SLC20A2: variants seen among roughly 807,000 people sequenced by gnomAD.
SLC20A2 encodes solute carrier family 20 member 2, also known as sodium-dependent phosphate transporter 2.
SLC20A2 carries 30 observed loss-of-function variants against 61.0 expected under a neutral mutation model. That is an observed-to-expected ratio of 0.49 (90% CI 0.37 to 0.67). The LOEUF is 0.67. Ranked by LOEUF, SLC20A2 falls within the 30% of genes least tolerant of loss-of-function variation. SLC20A2 has a pLI of 0.00. For synonymous variants in SLC20A2, 351 were observed against 353.3 expected, an observed-to-expected ratio of 0.99 and a Z score of 0.07; for missense variants, 626 against 866.4, an observed-to-expected ratio of 0.72 and a Z score of 3.48.
Position 42,439,433 on chromosome 8 carries a change from C to T in SLC20A2, c.934+17G>A. On this transcript the variant is annotated intron_variant, in intron 7 of 10. Coordinates refer to ENST00000520262, the MANE Select transcript of SLC20A2 (RefSeq NM_001257180.2). ...TCTGTGCTGCCACAGAACCCAAGCTCTCCAGGCACATCTTACCGTATGCAG... is the reference window on the plus strand; with the variant it reads ...TCTGTGCTGCCACAGAACCCAAGCTTTCCAGGCACATCTTACCGTATGCAG... 1 of 1,612,404 alleles carries T rather than the reference C, an allele frequency of 6.2e-7. No individual in the cohort carries two copies. The highest frequency in any genetic ancestry group is 8.5e-7 in the Non-Finnish European group (1 of 1,179,820).
chr8:42,446,282 G>A (rs1805207636), intron 5 of SLC20A2, among the ~76,000 whole-genome samples: 1 of 152,206 alleles, frequency 6.6e-6, no homozygotes, highest in Non-Finnish European at 1.5e-5. Flanking sequence ...CACATGGTTT[G>A]AGAACGTCAT....
chr8:42,477,085 C>T (rs1172932511), intron 1 of SLC20A2, among the ~76,000 whole-genome samples: 3 of 152,156 alleles, frequency 2.0e-5, no homozygotes, highest in Non-Finnish European at 1.5e-5. Context: ...GCATAAGGCC[C>T]CGTCGCAGTT....
intron 4 of SLC20A2, 99 bp from the exon 5 acceptor site, chr8:42,460,091 T>C: frequency 4.3e-6 from 3 of 689,852 alleles, no homozygotes; most frequent in South Asian, 3.3e-5. Flanking sequence ...CAAGAAACTC[T>C]TCCCAAACCC....
At chr8:42,540,792 T>A (rs1813060883) in intron 1 of SLC20A2, 1 of 152,264 alleles carries the variant, frequency 6.6e-6, no homozygotes, top group South Asian at 2.1e-4. Flanking sequence ...CACCAGCCAC[T>A]GACATCTGAT....
chr8:42,428,695 C>T, intron 10 of SLC20A2, 63 bp downstream of exon 10: 2 of 1,451,612 alleles, frequency 1.4e-6, no homozygotes, highest in South Asian at 1.2e-5. Context: ...CTTGCATGCG[C>T]TCCGGTGGCC....
At chr8:42,489,310 C>T (rs1809323695) in intron 1 of SLC20A2, among the ~76,000 whole-genome samples, 1 of 151,940 alleles carries the variant, frequency 6.6e-6, no homozygotes. Flanking sequence ...GCCAGTGTAC[C>T]TTCTTTCCAT....
intron 1 of SLC20A2, among the ~76,000 whole-genome samples, chr8:42,514,313 T>G (rs972316806): frequency 6.6e-6 from 1 of 152,142 alleles, no homozygotes; most frequent in Non-Finnish European, 1.5e-5. Flanking sequence ...AAACAATAGT[T>G]AACTGGGTAA....
chr8:42,471,227 T>C (rs11994295), intron 2 of SLC20A2: 43 of 456,228 alleles, frequency 9.4e-5, no homozygotes, highest in African/African-American at 7.8e-4. Flanking sequence ...AAAAGAATCC[T>C]GTCAGCTGCA....
chr8:42,478,232 G>A lies in SLC20A2; in HGVS notation c.-264-5578C>T, dbSNP rs1215955824. ...CTTTTCTTTTTTTTTTTTTTTTTGA[G>A]ATGTAGTCTCACTCTGTTGCCCAGG... is the stretch of plus-strand genomic sequence containing the variant. On this transcript the variant is annotated intron_variant, in intron 1 of 10. Coordinates refer to ENST00000520262, the MANE Select transcript of SLC20A2 (RefSeq NM_001257180.2). Among the ~76,000 whole-genome samples, 3 of 104,850 alleles carry A rather than the reference G, an allele frequency of 2.9e-5. No homozygotes were observed. The East Asian group carries it at 8.3e-4, about 29-fold the overall frequency. The allele number at this position is 104,850 out of a possible 152,430, so 68.8% of individuals were successfully genotyped here.
chr8:42,424,856 G>T (rs1247877410), intron 10 of SLC20A2, among the ~76,000 whole-genome samples: 1 of 152,140 alleles, frequency 6.6e-6, no homozygotes, highest in East Asian at 1.9e-4. Flanking sequence ...GACCAGCCTG[G>T]CTAACATGGA....
intron 1 of SLC20A2, among the ~76,000 whole-genome samples, chr8:42,482,512 G>A (rs1369260211): frequency 2.6e-5 from 4 of 152,116 alleles, no homozygotes; most frequent in Admixed American, 6.6e-5. Flanking sequence ...CTGCAATCCC[G>A]TCAAGGTGGG....
intron 1 of SLC20A2, among the ~76,000 whole-genome samples, chr8:42,537,230 A>G (rs1812763398): frequency 6.6e-6 from 1 of 151,904 alleles, no homozygotes; most frequent in Non-Finnish European, 1.5e-5. Context: ...CACAAAATTT[A>G]AAAATTAGCT....
intron 1 of SLC20A2, among the ~76,000 whole-genome samples, chr8:42,533,597 C>T (rs1483512778): frequency 2.7e-5 from 4 of 150,930 alleles, no homozygotes; most frequent in African/African-American, 9.7e-5. Flanking sequence ...CGTCATCACA[C>T]TCCAACCTGG....
At chr8:42,502,580 T>C (rs191322949), upstream of SLC20A2, 2 of 152,426 alleles carry the variant, frequency 1.3e-5, no homozygotes, top group South Asian at 2.1e-4. Flanking sequence ...CTCCCTCCTG[T>C]TGTTTACAAA....
chr8:42,525,644 A>T (rs1811887898), intron 1 of SLC20A2, among the ~76,000 whole-genome samples: 1 of 151,932 alleles, frequency 6.6e-6, no homozygotes, highest in Non-Finnish European at 1.5e-5. Context: ...TACATGATCG[A>T]CAATTTTCAT....
intron 1 of SLC20A2, among the ~76,000 whole-genome samples, chr8:42,509,162 G>T (rs1249784966): frequency 6.6e-6 from 1 of 152,198 alleles, no homozygotes; most frequent in East Asian, 1.9e-4. Flanking sequence ...CAGTTATATA[G>T]ATATAGATAG....
At chr8:42,459,234 T>TCAAAAAAAAAAAAA (rs1806496233) in intron 5 of SLC20A2, among the ~76,000 whole-genome samples, 1 of 47,524 alleles carries the variant, frequency 2.1e-5, no homozygotes, top group African/African-American at 1.2e-4. Flanking sequence ...AGACTCTATC[T>TCAAAAAAAAAAAAA]CAAAAAAAAA....
At chr8:42,494,069 G>C (rs1352565813) in intron 1 of SLC20A2, among the ~76,000 whole-genome samples, 2 of 152,150 alleles carry the variant, frequency 1.3e-5, no homozygotes, top group Admixed American at 6.6e-5. Flanking sequence ...CTCAAGCTGG[G>C]GGAGTCAAGG....
At chr8:42,508,587 C>T in intron 1 of SLC20A2, among the ~76,000 whole-genome samples, 1 of 152,038 alleles carries the variant, frequency 6.6e-6, no homozygotes, top group East Asian at 1.9e-4. Flanking sequence ...GATGGGGTTT[C>T]ACCATGTTAG....
Sources: gnomAD v4.1 joint callset for allele counts (sites outside exome capture counted in the v4.1 genomes callset) on GRCh38, gnomAD v4.1.1 for gene constraint, MANE v1.5 for transcripts, NCBI Gene and HGNC (gene_info 2026-07-23, HGNC 2026-07-21) for gene names.